CWC22: variants seen among roughly 807,000 people sequenced by gnomAD.
The protein encoded by CWC22 is CWC22 spliceosome associated protein, also known as pre-mRNA-splicing factor CWC22 homolog.
A neutral mutation model predicts 117.2 loss-of-function variants in CWC22; 53 were observed. The observed-to-expected ratio is 0.45, with a 90% CI of 0.36 to 0.57. The LOEUF (loss-of-function observed/expected upper bound fraction) is 0.57. Among genes scored for constraint, CWC22 ranks in the 20% least tolerant of loss-of-function variants. The pLI is 0.00. For synonymous variants in CWC22, 360 were observed against 355.6 expected, an observed-to-expected ratio of 1.01 and a Z score of -0.14; for missense variants, 980 against 1,068.8, an observed-to-expected ratio of 0.92 and a Z score of 1.16.
chr2:179,950,460 GCAA>G, intron 19 of CWC22, 49 bp downstream of exon 19: 1 of 1,082,942 alleles, frequency 9.2e-7, no homozygotes, highest in Non-Finnish European at 1.4e-6. Flanking sequence ...ATATATATCA[GCAA>G]CATATTTATT....
chr2:179,963,827 T>C (rs1225203643), intron 13 of CWC22, among the ~76,000 whole-genome samples: 2 of 152,196 alleles, frequency 1.3e-5, no homozygotes, highest in African/African-American at 4.8e-5. Context: ...TAAATGGAAA[T>C]ATACTAAACC....
intron 1 of CWC22, among the ~76,000 whole-genome samples, chr2:180,006,623 CAACT>C (rs1420360827): frequency 3.3e-5 from 5 of 152,278 alleles, no homozygotes; most frequent in Admixed American, 6.5e-5. Flanking sequence ...GCAAGTAATT[CAACT>C]AACTTTTAAT....
chr2:179,959,594 A>T (rs2105515747), intron 13 of CWC22, among the ~76,000 whole-genome samples: 1 of 152,268 alleles, frequency 6.6e-6, no homozygotes, highest in South Asian at 2.1e-4. Context: ...TGTATTTACA[A>T]AAACCTAGAT....
intron 1 of CWC22, among the ~76,000 whole-genome samples, chr2:179,996,472 A>G (rs947324136): frequency 6.6e-6 from 1 of 152,174 alleles, no homozygotes; most frequent in African/African-American, 2.4e-5. Context: ...AAAGAGAAAA[A>G]TCCTGAAAGC....
chr2:179,987,793 G>C (rs1575655096), intron 3 of CWC22, among the ~76,000 whole-genome samples: 2 of 152,208 alleles, frequency 1.3e-5, no homozygotes, highest in South Asian at 4.1e-4. Context: ...TGAAATAATT[G>C]TAGTGCTAAT....
chr2:179,980,885 T>C (rs1464378080), intron 5 of CWC22, among the ~76,000 whole-genome samples: 1 of 152,190 alleles, frequency 6.6e-6, no homozygotes, highest in Non-Finnish European at 1.5e-5. Context: ...ATCATTTCAA[T>C]CTGGGACCAT....
intron 1 of CWC22, among the ~76,000 whole-genome samples, chr2:179,994,962 C>T (rs900889263): frequency 7.9e-5 from 12 of 152,014 alleles, no homozygotes; most frequent in African/African-American, 2.9e-4. Context: ...TGAAAAATTA[C>T]AAAAAATTAG....
intron 1 of CWC22, among the ~76,000 whole-genome samples, chr2:179,994,343 T>C (rs1687646777): frequency 6.6e-6 from 1 of 152,114 alleles, no homozygotes; most frequent in Admixed American, 6.5e-5. Flanking sequence ...TCAGAAAGGG[T>C]ATAACAGATT....
intron 1 of CWC22, among the ~76,000 whole-genome samples, chr2:179,994,869 C>T (rs1034677413): frequency 2.0e-5 from 3 of 152,152 alleles, no homozygotes; most frequent in African/African-American, 7.2e-5. Context: ...AGTTTATCAG[C>T]ACTTTGGGAG....
intron 1 of CWC22, among the ~76,000 whole-genome samples, chr2:179,999,769 G>C (rs969231200): frequency 1.3e-5 from 2 of 152,064 alleles, no homozygotes; most frequent in Non-Finnish European, 2.9e-5. Context: ...AGTAAAAACA[G>C]GTTTGGTGAA....
At chr2:179,986,555 AAGCC>A in intron 4 of CWC22, 136 bp downstream of exon 4, 1 of 524,874 alleles carries the variant, frequency 1.9e-6, no homozygotes, top group Non-Finnish European at 3.4e-6. Context: ...AATTCATATA[AAGCC>A]CTTATTAGAA....
At chr2:179,998,903 C>T (rs778954471) in intron 1 of CWC22, among the ~76,000 whole-genome samples, 1 of 152,176 alleles carries the variant, frequency 6.6e-6, no homozygotes, top group Non-Finnish European at 1.5e-5. Context: ...AACCTACTTA[C>T]ACATTTCAGA....
At chr2:179,972,944 G>C (rs557246128) in intron 8 of CWC22, among the ~76,000 whole-genome samples, 7 of 151,984 alleles carry the variant, frequency 4.6e-5, no homozygotes, top group Non-Finnish European at 8.8e-5. Context: ...AGGAGGCAGA[G>C]CTTGCAGTGA....
intron 1 of CWC22, among the ~76,000 whole-genome samples, chr2:180,005,863 C>T (rs543804563): frequency 2.6e-5 from 4 of 152,304 alleles, no homozygotes; most frequent in African/African-American, 9.6e-5. Context: ...TAACTTGCTC[C>T]AAGTGACAGA....
intron 3 of CWC22, among the ~76,000 whole-genome samples, chr2:179,987,885 C>T (rs886569781): frequency 6.6e-5 from 10 of 152,154 alleles, no homozygotes; most frequent in Non-Finnish European, 1.3e-4. Flanking sequence ...ATCCAGCGGT[C>T]TCAAACCTTT....
chr2:179,981,693 G>A (rs1386115658), intron 5 of CWC22, 59 bp downstream of exon 5: 1 of 1,450,790 alleles, frequency 6.9e-7, no homozygotes, highest in Non-Finnish European at 9.5e-7. Context: ...TTAAACCACA[G>A]TTGACTTATT....
intron 1 of CWC22, among the ~76,000 whole-genome samples, chr2:180,004,110 G>T (rs1687912142): frequency 6.6e-6 from 1 of 152,164 alleles, no homozygotes; most frequent in South Asian, 2.1e-4. Flanking sequence ...AAAGTTATAA[G>T]AGGGATGCAT....
intron 1 of CWC22, among the ~76,000 whole-genome samples, chr2:180,004,675 G>A (rs1220054574): frequency 6.6e-6 from 1 of 151,890 alleles, no homozygotes; most frequent in East Asian, 1.9e-4. Flanking sequence ...ATGAGCCATC[G>A]CCGCCCCCGC....
In CWC22 at chr2:179,950,669, A is replaced by T; in HGVS notation, c.1983T>A (p.Val661=). The T allele has an allele frequency of 4.3e-6, 7 of 1,613,668 alleles. No homozygotes were observed. Among genetic ancestry groups the T allele is most frequent in the Non-Finnish European group, 5.9e-6 (7 of 1,179,646 alleles). The change falls in exon 19 of 20, where the codon GTT becomes GTA. Residue 661 remains valine, a synonymous_variant. Transcript: ENST00000410053. ...AGGATGGGGAGGATTTATTTTGCTC[A>T]ACATCTGGTTTCTGCGCCACAATGA... ...PKVIVAQKPD[V]EQNKSSPSSS... is the part of the protein sequence containing the mutation.
Sources: allele counts gnomAD v4.1 joint callset (sites outside exome capture counted in the v4.1 genomes callset), GRCh38; gene constraint gnomAD v4.1.1; transcripts MANE v1.5; gene names NCBI Gene and HGNC (gene_info 2026-07-23, HGNC 2026-07-21).